The following ZNF717 variants were observed in gnomAD, a reference collection of about 807,000 sequenced individuals.
ZNF717 encodes krueppel-like factor X17.
Under a neutral mutation model 13.8 loss-of-function variants are expected in ZNF717, and 9 were observed. The ratio of observed to expected loss-of-function variants is 0.65; its 90% CI spans 0.39 to 1.14. The LOEUF (loss-of-function observed/expected upper bound fraction) is 1.14. Ranked by LOEUF, ZNF717 falls within the 50% of genes most tolerant of loss-of-function variation. The pLI, the probability that ZNF717 is intolerant of heterozygous loss-of-function variation, is 0.01. For synonymous variants in ZNF717, 327 were observed against 364.1 expected, an observed-to-expected ratio of 0.90 and a Z score of 1.16; for missense variants, 1,040 against 1,080.7, an observed-to-expected ratio of 0.96 and a Z score of 0.53.
In ZNF717 at chr3:75,772,747, C is replaced by T. The variant is rs1025947603; in HGVS notation, c.57+10559G>A. Among the ~76,000 whole-genome samples the T allele has an allele frequency of 2.1e-4, 32 of 152,200 alleles. 1 individual carries two copies. Among genetic ancestry groups the T allele is most frequent in the Non-Finnish European group, 4.1e-4 (28 of 68,036 alleles). ...TGGGATCCAGACAACTAGCATGAGC[C>T]GAGTGGACAGAACGAACCCAGTGGG... On this transcript the variant is annotated intron_variant, in intron 2 of 4. Transcript: ENST00000652011.
rs545514818 is a variant in ZNF717 at position 75,782,905 on chromosome 3, C to T, written c.57+401G>A. Reference sequence around the variant, plus strand: ...TAGCAGAAGATGACCGTTTCCACTGCACAACACTACAAGTATTTACTGCCA... The same window carrying T: ...TAGCAGAAGATGACCGTTTCCACTGTACAACACTACAAGTATTTACTGCCA... On this transcript the variant is annotated intron_variant, in intron 2 of 4. Transcript: ENST00000652011. Among the ~76,000 whole-genome samples, 42 of 152,340 alleles carry T rather than the reference C, an allele frequency of 2.8e-4. No homozygotes were observed. The South Asian group carries it at 8.5e-3, about 31-fold the overall frequency.
Position 75,758,064 on chromosome 3 carries a change from G to A in ZNF717, c.58-16328C>T, listed in dbSNP as rs1204595633. Among the ~76,000 whole-genome samples, 11 of 144,886 alleles carry A rather than the reference G, an allele frequency of 7.6e-5. 2 individuals carry two copies. Among genetic ancestry groups the A allele is most frequent in the Admixed American group, 6.5e-4 (9 of 13,886 alleles). On this transcript the variant is annotated intron_variant, in intron 2 of 4. Coordinates refer to ENST00000652011, the MANE Select transcript of ZNF717 (RefSeq NM_001290208.3). ...ACTCGGGAGGCGCAGGTTTCAGTGA[G>A]CTGAGATCGTGTTGTCACTGCACTC...
rs139448820 is a variant in ZNF717, at chr3:75,737,682, G to C, written c.1941C>G (p.Tyr647Ter). Reference protein sequence around the residue: ...HQGTHTGEKPYVCNECGKTFH... With the variant: ...HQGTHTGEKP ...AGGTTTTTCCACATTCATTACATAC[G>C]TAAGGTTTCTCTCCTGTGTGAGTTC... is the stretch of plus-strand genomic sequence containing the variant. Residue 647 changes from tyrosine (Y) to a stop codon, truncating the protein, a stop_gained, in exon 5 of 5, where the codon TAC (tyrosine) becomes TAG (stop). Transcript: ENST00000652011. LOFTEE classifies it low-confidence loss of function (END_TRUNC). 6.8e-7 allele frequency: 1 copy of C among 1,473,370 alleles called. No individual in the cohort carries two copies. The highest frequency in any genetic ancestry group is 9.3e-7 in the Non-Finnish European group (1 of 1,080,228). 91.3% of individuals were successfully genotyped at this position (1,473,370 alleles called of 1,614,324 possible). A position where few individuals can be genotyped will look rare whatever the true frequency, so the allele number is the denominator to read the frequency against.
At chr3:75,728,381 TG>T (rs58941319), downstream of ZNF717, among the ~76,000 whole-genome samples, 7,167 of 152,184 alleles carry the variant, frequency 0.047, 443 homozygotes, top group African/African-American at 0.16. Flanking sequence ...AAAATGATTA[TG>T]AGGGTTCCAA....
chr3:75,723,630 T>C (rs2918485), intron 4 of ZNF717, among the ~76,000 whole-genome samples: 131,538 of 151,408 alleles, frequency 0.87, 56,340 homozygotes, highest in Middle Eastern at 0.93. Flanking sequence ...TGAAGGGACA[T>C]GGTGAGAAGT....
chr3:75,734,281 G>A (rs1938878863), downstream of ZNF717, among the ~76,000 whole-genome samples: 1 of 151,860 alleles, frequency 6.6e-6, no homozygotes. Flanking sequence ...ATCTTTGCCA[G>A]GCTGGTCTTG....
chr3:75,780,938 C>A (rs1944768162), intron 2 of ZNF717, among the ~76,000 whole-genome samples: 1 of 152,280 alleles, frequency 6.6e-6, no homozygotes, highest in Non-Finnish European at 1.5e-5. Context: ...CTTGGTCCAC[C>A]TTTTCAAAAC....
At position 75,737,151 on chromosome 3, in the gene ZNF717, G is replaced by A. The variant is rs80001478; in HGVS notation, c.2472C>T (p.Ser824=). Residue 824 remains serine, a synonymous_variant, in exon 5 of 5, where the codon TCC becomes TCT. Coordinates refer to ENST00000652011, the MANE Select transcript of ZNF717 (RefSeq NM_001290208.3). ...GATGTACAAAGAGTTTTGACTTCTG[G>A]GAGAAGGTTTTCCTACATTCTTTAC... ...FECKECRKTF[S]QKSKLFVHHR... 5 of 1,561,360 alleles carry A rather than the reference G, an allele frequency of 3.2e-6. No individual in the cohort carries two copies. Among genetic ancestry groups the A allele is most frequent in the Middle Eastern group, 1.7e-4 (1 of 6,000 alleles).
intron 2 of ZNF717, among the ~76,000 whole-genome samples, chr3:75,750,549 T>G (rs1352271199): frequency 2.6e-5 from 4 of 151,830 alleles, no homozygotes; most frequent in Non-Finnish European, 5.9e-5. Flanking sequence ...TCTGAGGGTT[T>G]GCTCCTCACA....
At position 75,783,348 on chromosome 3, in the gene ZNF717, G is replaced by C. The variant is rs376004492; in HGVS notation, c.15C>G (p.Phe5Leu). MFPV[F>L]SGCFQELQEK... Reference sequence around the variant, plus strand: ...CTTGTAGCTCTTGGAAACAGCCAGAGAACACTGGAAACATAGCTGAGAGAG... The same window carrying C: ...CTTGTAGCTCTTGGAAACAGCCAGACAACACTGGAAACATAGCTGAGAGAG... The change falls in exon 2 of 5, where the codon TTC becomes TTG. Residue 5 changes from phenylalanine (F) to leucine (L), a missense_variant. Transcript: ENST00000652011. 180 of 1,551,204 alleles carry C rather than the reference G, an allele frequency of 1.2e-4. 1 individual carries two copies. In the East Asian group the frequency reaches 2.3e-3, roughly 20 times the overall value.
At chr3:75,727,502 A>G (rs1484727095), downstream of ZNF717, among the ~76,000 whole-genome samples, 272 of 152,226 alleles carry the variant, frequency 1.8e-3, no homozygotes, top group African/African-American at 5.9e-3. Context: ...TGGGAAAGGA[A>G]TGCATTCCTG....
chr3:75,780,094 ACG>A (rs1559695990), intron 2 of ZNF717, among the ~76,000 whole-genome samples: 81 of 150,584 alleles, frequency 5.4e-4, no homozygotes, highest in African/African-American at 1.9e-3. Flanking sequence ...AATGGGAGTG[ACG>A]TGCTAAGCCA....
chr3:75,731,349 C>G (rs1203924250), downstream of ZNF717, among the ~76,000 whole-genome samples: 2 of 152,084 alleles, frequency 1.3e-5, no homozygotes, highest in African/African-American at 2.4e-5. Flanking sequence ...TGCACTACAG[C>G]CTGGATGACA....
chr3:75,729,827 A>C (rs1260352698), downstream of ZNF717: 1 of 152,236 alleles, frequency 6.6e-6, no homozygotes, highest in African/African-American at 2.4e-5. Flanking sequence ...CCGAGTTCCC[A>C]GCTTGACTTT....
chr3:75,732,839 C>T (rs1213749217), downstream of ZNF717, among the ~76,000 whole-genome samples: 1 of 152,142 alleles, frequency 6.6e-6, no homozygotes, highest in African/African-American at 2.4e-5. Flanking sequence ...AAAGAAAAAG[C>T]ACAAGGCATA....
chr3:75,779,868 C>A (rs1238435512), intron 2 of ZNF717, among the ~76,000 whole-genome samples: 3 of 151,768 alleles, frequency 2.0e-5, no homozygotes, highest in African/African-American at 7.3e-5. Context: ...AAAACCGGAA[C>A]CCAAAACAAT....
intron 6 of ZNF717, among the ~76,000 whole-genome samples, chr3:75,703,926 A>C (rs530503615): frequency 2.0e-5 from 3 of 152,390 alleles, no homozygotes; most frequent in East Asian, 1.9e-4. Context: ...GCTGGCCACA[A>C]ATTACAATTG....
chr3:75,696,237 A>C (rs1937601015), intron 6 of ZNF717, among the ~76,000 whole-genome samples: 1 of 152,428 alleles, frequency 6.6e-6, no homozygotes, highest in South Asian at 2.1e-4. Context: ...AGACAAACAC[A>C]ACTTACCAAG....
intron 4 of ZNF717, among the ~76,000 whole-genome samples, chr3:75,718,090 C>T (rs1938093711): frequency 6.6e-6 from 1 of 152,218 alleles, no homozygotes; most frequent in Non-Finnish European, 1.5e-5. Context: ...CTGGTGCTTA[C>T]TCCCATGACA....
Sources: allele counts gnomAD v4.1 joint callset (sites outside exome capture counted in the v4.1 genomes callset), GRCh38; gene constraint gnomAD v4.1.1; transcripts MANE v1.5; gene names NCBI Gene and HGNC (gene_info 2026-07-23, HGNC 2026-07-21).